MPP2: variants seen among roughly 807,000 people sequenced by gnomAD.
MPP2 encodes MAGUK p55 scaffold protein 2.
In MPP2, 42 loss-of-function variants were observed where a neutral mutation model predicts 58.5. The ratio of observed to expected loss-of-function variants is 0.72; its 90% confidence interval spans 0.56 to 0.93. The LOEUF (loss-of-function observed/expected upper bound fraction) is 0.93. MPP2 is among the 40% of genes least tolerant of loss of function. The pLI is 0.00. For synonymous variants in MPP2, 300 were observed against 307.8 expected (o/e 0.97, Z 0.26); for missense variants, 632 against 760.4 (o/e 0.83, Z 1.99).
chr17:43,878,606 C>T (rs1411924642), intron 12 of MPP2, among the ~76,000 whole-genome samples: 1 of 152,222 alleles, frequency 6.6e-6, no homozygotes, highest in Admixed American at 6.5e-5. Context: ...AGGTCCAGAG[C>T]TCCTTAAGGG....
chr17:43,880,783 A>G lies in MPP2; in HGVS notation c.1058T>C (p.Leu353Pro), dbSNP rs2047075804. Residue 353 changes from leucine (L) to proline (P), a missense_variant, in exon 10 of 13, where the codon CTG becomes CCG. Physicochemically the swap from Leu to Pro is moderately conservative, Grantham distance 98. Coordinates refer to ENST00000269095, the MANE Select transcript of MPP2 (RefSeq NM_005374.5). The surrounding 1 kb of genome is among the most constrained non-coding windows in gnomAD (Gnocchi z 5.2). ...ARMPPFRRKT[L>P]VLIGAQGVGR... ...CACGCCCTGAGCCCCAATCAGTACC[A>G]GGGTTTTCCGGCGGAACGGGGGCAT... 1 of 1,613,922 alleles carries G rather than the reference A, an allele frequency of 6.2e-7. No individual in the cohort carries two copies. Among genetic ancestry groups the G allele is most frequent in the Non-Finnish European group, 8.5e-7 (1 of 1,179,830 alleles).
chr17:43,903,104 C>T (rs1188601049), intron 2 of MPP2, among the ~76,000 whole-genome samples: 1 of 152,032 alleles, frequency 6.6e-6, no homozygotes, highest in Non-Finnish European at 1.5e-5. Context: ...TGGTGAAACC[C>T]AGTCTCTACA....
chr17:43,884,750 A>G (rs1024730636), intron 3 of MPP2, among the ~76,000 whole-genome samples: 2 of 152,094 alleles, frequency 1.3e-5, no homozygotes, highest in Non-Finnish European at 2.9e-5. Flanking sequence ...TAAATGAGTT[A>G]TTATACTGGA....
At chr17:43,878,043 G>A in intron 12 of MPP2, 60 bp from the exon 13 acceptor site, 1 of 1,538,734 alleles carries the variant, frequency 6.5e-7, no homozygotes, top group Non-Finnish European at 8.8e-7. Context: ...CCCACTGTCA[G>A]AAGGAGCTAC....
intron 3 of MPP2, among the ~76,000 whole-genome samples, chr17:43,886,148 T>C (rs2047359926): frequency 6.6e-6 from 1 of 152,024 alleles, no homozygotes; most frequent in African/African-American, 2.4e-5. Context: ...CTTTCTTACA[T>C]AAAACACAGA....
intron 2 of MPP2, chr17:43,901,574 C>A: frequency 4.1e-6 from 4 of 985,422 alleles, no homozygotes; most frequent in Non-Finnish European, 4.8e-6. Flanking sequence ...CATTGCACCC[C>A]TGGTTGCCAT....
chr17:43,900,644 G>T, intron 2 of MPP2: 1 of 1,434,992 alleles, frequency 7.0e-7, no homozygotes. Context: ...GGGGAAGGCG[G>T]GAGTCGAGGA....
At chr17:43,886,376 C>G (rs1028902946) in intron 3 of MPP2, among the ~76,000 whole-genome samples, 4 of 151,756 alleles carry the variant, frequency 2.6e-5, no homozygotes, top group Non-Finnish European at 5.9e-5. Context: ...CCTCTGCCTC[C>G]CAGGTTGGGA....
At chr17:43,902,360 CCA>C (rs1193603603) in intron 2 of MPP2, among the ~76,000 whole-genome samples, 9 of 152,220 alleles carry the variant, frequency 5.9e-5, no homozygotes, top group African/African-American at 1.9e-4. Context: ...CTCCTACGCC[CCA>C]GTCAGGCACT....
upstream of MPP2, among the ~76,000 whole-genome samples, chr17:43,908,798 T>C (rs2048374063): frequency 6.6e-6 from 1 of 152,232 alleles, no homozygotes; most frequent in African/African-American, 2.4e-5. Flanking sequence ...AGCAGGGGAC[T>C]GGTCCCTGGG....
At chr17:43,906,794 C>G (rs977971916) in intron 1 of MPP2, among the ~76,000 whole-genome samples, 1 of 152,058 alleles carries the variant, frequency 6.6e-6, no homozygotes, top group Non-Finnish European at 1.5e-5. Context: ...GCGCGCCCGC[C>G]GGAGACCAGG....
chr17:43,879,804 C>T lies in MPP2; in HGVS notation c.1331G>A (p.Cys444Tyr), dbSNP rs1407670431. 6.2e-7 allele frequency: 1 copy of T among 1,613,712 alleles called. No individual in the cohort carries two copies. The highest frequency in any genetic ancestry group is 8.5e-7 in the Non-Finnish European group (1 of 1,179,874). ...IRGVVAAGKVCVLDVNPQAVK... is the reference protein window; with the variant it reads ...IRGVVAAGKVYVLDVNPQAVK... ...TACCTGGGGGTTGACATCCAGCACG[C>T]ACACCTTCCCAGCAGCGACCACGCC... Residue 444 changes from cysteine to tyrosine, a missense_variant, in exon 11 of 13, where the codon TGC becomes TAC. Transcript: ENST00000269095. This position sits in a 1 kb window ranked among gnomAD's most constrained non-coding sequence, Gnocchi z 4.1.
chr17:43,892,373 T>C (rs1001855190), intron 3 of MPP2, among the ~76,000 whole-genome samples: 6 of 152,182 alleles, frequency 3.9e-5, no homozygotes, highest in Admixed American at 2.0e-4. Context: ...GCTTTGTCTA[T>C]TAGGTTAGAA....
intron 3 of MPP2, among the ~76,000 whole-genome samples, chr17:43,887,338 TG>T (rs1412195196): frequency 6.6e-6 from 1 of 152,162 alleles, no homozygotes; most frequent in African/African-American, 2.4e-5. Context: ...GAGCACTGTT[TG>T]CACTACTGCA....
At chr17:43,890,644 C>T (rs1218829725) in intron 3 of MPP2, among the ~76,000 whole-genome samples, 1 of 152,186 alleles carries the variant, frequency 6.6e-6, no homozygotes, top group Non-Finnish European at 1.5e-5. Context: ...TAAAGGAACT[C>T]TTTAATCTGG....
At chr17:43,883,521 C>T in intron 3 of MPP2, 166 bp from the exon 4 acceptor site, 1 of 699,664 alleles carries the variant, frequency 1.4e-6, no homozygotes, top group Non-Finnish European at 2.3e-6. Flanking sequence ...CACATGCATT[C>T]CTTGCTGTCT....
Position 43,876,291 on chromosome 17 carries a change from AGGGTTT to A in MPP2, c.*1510_*1515del, listed in dbSNP as rs1409751829. 6.6e-6 allele frequency: 1 copy of A among 152,664 alleles called. No homozygotes were observed. Among genetic ancestry groups the A allele is most frequent in the Non-Finnish European group, 1.5e-5 (1 of 68,062 alleles). The allele number at this position is 152,664 out of a possible 1,614,324, so 9.5% of individuals were successfully genotyped here. ...ACACTTGGAAGAACTGGGAGGCACA[AGGGTTT>A]GGACTCAGGGTGTCACAGGTTGTCC... is the stretch of plus-strand genomic sequence containing the variant. On this transcript the variant is annotated 3_prime_UTR_variant, in exon 13 of 13. Transcript: ENST00000269095.
chr17:43,880,063 C>T lies in MPP2; in HGVS notation c.1151-79G>A. ...TCAGACACATATATGCACCCCTACC[C>T]AGGCCCCCGTTTCCCAGCCTTGGAG... On this transcript the variant is annotated intron_variant, in intron 10 of 12. Coordinates refer to ENST00000269095, the MANE Select transcript of MPP2 (RefSeq NM_005374.5). The surrounding 1 kb of genome is among the most constrained non-coding windows in gnomAD (Gnocchi z 5.2). 1.4e-6 allele frequency: 2 copies of T among 1,400,820 alleles called. No individual in the cohort carries two copies. The highest frequency in any genetic ancestry group is 2.0e-6 in the Non-Finnish European group (2 of 1,005,840). The allele number at this position is 1,400,820 out of a possible 1,614,324, so 86.8% of individuals were successfully genotyped here.
In MPP2 at chr17:43,880,024, C is replaced by A. The variant is rs772179020; in HGVS notation, c.1151-40G>T. ...GTAGGTTGGACCAAATGGGCAGGGG[C>A]AGGTTACAGTGCCTCAGACACATAT... On this transcript the variant is annotated intron_variant, in intron 10 of 12. Transcript: ENST00000269095. The surrounding 1 kb of genome is among the most constrained non-coding windows in gnomAD (Gnocchi z 5.2). The A allele has an allele frequency of 3.1e-6, 5 of 1,600,060 alleles. No individual in the cohort carries two copies. The highest frequency in any genetic ancestry group is 4.3e-6 in the Non-Finnish European group (5 of 1,168,236).
Sources: gnomAD v4.1 joint callset for allele counts (sites outside exome capture counted in the v4.1 genomes callset) on GRCh38, gnomAD v4.1.1 for gene constraint, Gnocchi (gnomAD v3.1) non-coding constraint, MANE v1.5 for transcripts, NCBI Gene and HGNC (gene_info 2026-07-23, HGNC 2026-07-21) for gene names.